Variants in VWA3B observed in about 807,000 individuals in gnomAD.
VWA3B encodes the protein von Willebrand factor A domain-containing protein 3B.
Under a neutral mutation model 158.3 loss-of-function variants are expected in VWA3B, and 138 were observed. That is an observed-to-expected ratio of 0.87 (90% confidence interval 0.76 to 1.00). The LOEUF is 1.00. VWA3B is among the 50% of genes least tolerant of loss of function. VWA3B has a pLI of 0.00. For missense variants in VWA3B, 1,555 were observed against 1,565.1 expected, an observed-to-expected ratio of 0.99 and a Z score of 0.11; for synonymous variants, 596 against 587.3, an observed-to-expected ratio of 1.01 and a Z score of -0.21.
At chr2:98,215,717 C>T (rs571152387) in intron 13 of VWA3B, among the ~76,000 whole-genome samples, 1 of 152,062 alleles carries the variant, frequency 6.6e-6, no homozygotes, top group Admixed American at 6.5e-5. Context: ...GGGGTTTCAC[C>T]GTGTTAGCCA....
At chr2:98,093,693 A>G (rs1355465474) in intron 2 of VWA3B, among the ~76,000 whole-genome samples, 1 of 152,098 alleles carries the variant, frequency 6.6e-6, no homozygotes, top group Non-Finnish European at 1.5e-5. Flanking sequence ...CAAGAATGCA[A>G]TCCATCATCA....
intron 8 of VWA3B, among the ~76,000 whole-genome samples, chr2:98,173,971 G>GA (rs11434978): frequency 0.34 from 49,768 of 147,630 alleles, 10,231 homozygotes; most frequent in East Asian, 0.64. Context: ...TGTCTCAAAA[G>GA]AAAAAAAAAA....
At chr2:98,236,348 A>T in intron 17 of VWA3B, 42 bp from the exon 18 acceptor site, 3 of 1,608,332 alleles carry the variant, frequency 1.9e-6, no homozygotes, top group South Asian at 2.2e-5. Context: ...TGTAAAACCC[A>T]TATGTGAGGA....
rs544830921 is a variant in VWA3B at position 98,239,500 on chromosome 2, T to C, written c.2673+2770T>C. ...TTCTTTTACCAAAATGTTAACAGTT[T>C]AGCTGGGTGGTGAGATTGTTGGGAG... On this transcript the variant is annotated intron_variant, in intron 19 of 27. Coordinates refer to ENST00000477737, the MANE Select transcript of VWA3B (RefSeq NM_144992.5). Among the ~76,000 whole-genome samples the C allele has an allele frequency of 2.0e-5, 3 of 152,080 alleles. No individual in the cohort carries two copies. In the South Asian group the frequency reaches 6.2e-4, roughly 32 times the overall value.
chr2:98,273,360 CT>C (rs1688321843), intron 22 of VWA3B, among the ~76,000 whole-genome samples: 1 of 152,180 alleles, frequency 6.6e-6, no homozygotes, highest in Non-Finnish European at 1.5e-5. Flanking sequence ...AAAGCTATGT[CT>C]TTTGTGCAGA....
chr2:98,199,321 T>C (rs1479201586), intron 12 of VWA3B, among the ~76,000 whole-genome samples: 1 of 152,206 alleles, frequency 6.6e-6, no homozygotes, highest in Non-Finnish European at 1.5e-5. Context: ...CAGTAAACAT[T>C]TGCCTACAGA....
intron 8 of VWA3B, among the ~76,000 whole-genome samples, chr2:98,179,548 G>A (rs1413447017): frequency 2.6e-5 from 4 of 152,152 alleles, no homozygotes; most frequent in Admixed American, 6.5e-5. Context: ...AGGGGAGGCA[G>A]CCTCCTAGCC....
In VWA3B at chr2:98,290,623, G is replaced by T; in HGVS notation, c.3157+1G>T. On this transcript the variant is annotated splice_donor_variant, in intron 23 of 27. Coordinates refer to ENST00000477737, the MANE Select transcript of VWA3B (RefSeq NM_144992.5). LOFTEE classifies it high-confidence loss of function. ...GATGAAAATGGCTTTTATTTTCCAG[G>T]TAGTTTTTTTTTTTTTAATTTCGTG... 6.3e-7 allele frequency: 1 copy of T among 1,577,538 alleles called. No individual in the cohort carries two copies. The highest frequency in any genetic ancestry group is 8.6e-7 in the Non-Finnish European group (1 of 1,159,288).
intron 7 of VWA3B, among the ~76,000 whole-genome samples, chr2:98,160,315 TTTTTG>T (rs1038903010): frequency 9.8e-5 from 15 of 152,316 alleles, no homozygotes; most frequent in African/African-American, 3.4e-4. Context: ...TTTCACTGTT[TTTTTG>T]TTTTGTTTTG....
chr2:98,147,805 C>G (rs572349251), intron 7 of VWA3B, among the ~76,000 whole-genome samples: 11 of 151,774 alleles, frequency 7.2e-5, no homozygotes, highest in Non-Finnish European at 1.5e-4. Flanking sequence ...CACCCATTAA[C>G]TCGTCATTTA....
At chr2:98,215,377 C>T (rs1683890419) in intron 13 of VWA3B, among the ~76,000 whole-genome samples, 1 of 149,708 alleles carries the variant, frequency 6.7e-6, no homozygotes, top group South Asian at 2.1e-4. Context: ...GGAGTTGAAG[C>T]TTGCAGTGAG....
chr2:98,228,159 T>G, intron 14 of VWA3B, 43 bp from the exon 15 acceptor site: 1 of 1,557,592 alleles, frequency 6.4e-7, no homozygotes, highest in Non-Finnish European at 8.7e-7. Context: ...ATTTGAGCTC[T>G]TTTTATCTAG....
At chr2:98,323,313 G>A in the VWA3B span, among the ~76,000 whole-genome samples, 1 of 152,052 alleles carries the variant, frequency 6.6e-6, no homozygotes, top group African/African-American at 2.4e-5. Flanking sequence ...AGACTGAGCA[G>A]CAAAATGGAA....
At chr2:98,104,085 A>G (rs535474949) in intron 2 of VWA3B, among the ~76,000 whole-genome samples, 1 of 152,328 alleles carries the variant, frequency 6.6e-6, no homozygotes, top group African/African-American at 2.4e-5. Flanking sequence ...ATAAATATCT[A>G]TAGTCTATAT....
chr2:98,119,479 TG>T (rs1299878636), intron 3 of VWA3B, 33 bp from the exon 4 acceptor site: 2 of 1,608,018 alleles, frequency 1.2e-6, no homozygotes, highest in African/African-American at 2.7e-5. Flanking sequence ...ATTTTGGTGT[TG>T]TTTTATTGTT....
intron 6 of VWA3B, among the ~76,000 whole-genome samples, chr2:98,130,387 T>A (rs963649004): frequency 6.6e-6 from 1 of 152,080 alleles, no homozygotes; most frequent in Non-Finnish European, 1.5e-5. Context: ...TCCTTCCTCT[T>A]TTACTAATCC....
intron 8 of VWA3B, among the ~76,000 whole-genome samples, chr2:98,163,216 G>A (rs1408523969): frequency 6.6e-6 from 1 of 152,112 alleles, no homozygotes; most frequent in Non-Finnish European, 1.5e-5. Flanking sequence ...GAGATTGTCA[G>A]TACCCAGAGC....
intron 24 of VWA3B, 142 bp from the exon 25 acceptor site, chr2:98,299,937 T>C: frequency 8.5e-7 from 1 of 1,175,122 alleles, no homozygotes; most frequent in South Asian, 1.5e-5. Context: ...TTGGAACTCT[T>C]TCTTAACTGA....
chr2:98,297,570 T>C (rs2105973143), intron 23 of VWA3B, among the ~76,000 whole-genome samples: 1 of 152,296 alleles, frequency 6.6e-6, no homozygotes, highest in South Asian at 2.1e-4. Context: ...TAAATGAAAA[T>C]ATCAGGTGGT....
Sources: gnomAD v4.1 joint callset for allele counts (sites outside exome capture counted in the v4.1 genomes callset) on GRCh38, gnomAD v4.1.1 for gene constraint, MANE v1.5 for transcripts, NCBI Gene and HGNC (gene_info 2026-07-23, HGNC 2026-07-21) for gene names.